The following HS6ST3 variants were observed in gnomAD, a reference collection of about 807,000 sequenced individuals.
HS6ST3 encodes the protein heparan sulfate 6-O-sulfotransferase 3.
A neutral mutation model predicts 36.7 loss-of-function variants in HS6ST3; 12 were observed. The observed-to-expected ratio is 0.33, with a 90% confidence interval of 0.21 to 0.53. The LOEUF (loss-of-function observed/expected upper bound fraction) is 0.53, where lower values mean the gene tolerates loss of function less well. Ranked by LOEUF, HS6ST3 falls within the 20% of genes least tolerant of loss-of-function variation. The pLI is 0.95. For synonymous variants in HS6ST3, 240 were observed against 257.5 expected, an observed-to-expected ratio of 0.93 and a Z score of 0.65; for missense variants, 584 against 640.9, an observed-to-expected ratio of 0.91 and a Z score of 0.96.
chr13:96,737,328 T>A (rs545402718), intron 1 of HS6ST3, among the ~76,000 whole-genome samples: 98 of 152,296 alleles, frequency 6.4e-4, no homozygotes, highest in African/African-American at 2.1e-3. Flanking sequence ...CATATTTCTA[T>A]AAAAGAGATT....
chr13:96,761,912 A>G (rs1202128539), intron 1 of HS6ST3, among the ~76,000 whole-genome samples: 1 of 152,170 alleles, frequency 6.6e-6, no homozygotes, highest in South Asian at 2.1e-4. Context: ...CTCTGAGCCT[A>G]ATAAATAATA....
At chr13:96,532,930 C>T (rs2056141386) in intron 1 of HS6ST3, among the ~76,000 whole-genome samples, 1 of 152,162 alleles carries the variant, frequency 6.6e-6, no homozygotes, top group African/African-American at 2.4e-5. Flanking sequence ...TTCTCAGCCA[C>T]TTTTGCTTGC....
chr13:96,354,129 A>G (rs1254828675), intron 1 of HS6ST3, among the ~76,000 whole-genome samples: 2 of 152,232 alleles, frequency 1.3e-5, no homozygotes, highest in African/African-American at 4.8e-5. Flanking sequence ...TGTCAACCAT[A>G]TGGAACTGGT....
chr13:96,443,326 T>C (rs2055682464), intron 1 of HS6ST3, among the ~76,000 whole-genome samples: 1 of 151,848 alleles, frequency 6.6e-6, no homozygotes. Flanking sequence ...GTCAGGAGAT[T>C]GAGACCATCC....
At chr13:96,594,363 C>G (rs2138977751) in intron 1 of HS6ST3, among the ~76,000 whole-genome samples, 1 of 152,090 alleles carries the variant, frequency 6.6e-6, no homozygotes, top group Admixed American at 6.5e-5. Context: ...TCATCGTTTT[C>G]TAGTTGTTTT....
chr13:96,194,238 G>A (rs1270355346), intron 1 of HS6ST3, among the ~76,000 whole-genome samples: 1 of 152,084 alleles, frequency 6.6e-6, no homozygotes, highest in African/African-American at 2.4e-5. Flanking sequence ...TGTAGGAAAT[G>A]CATTGTGTCT....
At chr13:96,629,783 T>G (rs1056259549) in intron 1 of HS6ST3, among the ~76,000 whole-genome samples, 3 of 152,192 alleles carry the variant, frequency 2.0e-5, no homozygotes, top group Non-Finnish European at 4.4e-5. Context: ...CTTTCAAAAT[T>G]GTTGAAAAAC....
chr13:96,632,116 T>G (rs1421932861), intron 1 of HS6ST3, among the ~76,000 whole-genome samples: 1 of 152,170 alleles, frequency 6.6e-6, no homozygotes, highest in Non-Finnish European at 1.5e-5. Context: ...TAATGCCTTA[T>G]AAAAGGGCTT....
chr13:96,133,257 A>G (rs1461425500), intron 1 of HS6ST3, among the ~76,000 whole-genome samples: 1 of 152,046 alleles, frequency 6.6e-6, no homozygotes, highest in Non-Finnish European at 1.5e-5. Flanking sequence ...GCCTCCGAGT[A>G]GCTGGGATTA....
chr13:96,152,906 T>C (rs1215707847), intron 1 of HS6ST3, among the ~76,000 whole-genome samples: 1 of 152,188 alleles, frequency 6.6e-6, no homozygotes. Flanking sequence ...CTTGTGATTT[T>C]CCAAAATTGC....
intron 1 of HS6ST3, among the ~76,000 whole-genome samples, chr13:96,220,481 A>G (rs1029540720): frequency 6.6e-6 from 1 of 152,176 alleles, no homozygotes; most frequent in African/African-American, 2.4e-5. Context: ...TGCCACCTAA[A>G]TAATAGCTCT....
chr13:96,407,615 G>A (rs1426994852), intron 1 of HS6ST3, among the ~76,000 whole-genome samples: 1 of 152,182 alleles, frequency 6.6e-6, no homozygotes, highest in East Asian at 1.9e-4. Flanking sequence ...CAGTAGATAA[G>A]ATTTTGATAA....
At chr13:96,724,881 A>G (rs893366963) in intron 1 of HS6ST3, among the ~76,000 whole-genome samples, 1 of 152,206 alleles carries the variant, frequency 6.6e-6, no homozygotes, top group Non-Finnish European at 1.5e-5. Context: ...TTGAATAAAT[A>G]CCTAGGGATG....
At chr13:96,290,619 C>A (rs2054825091) in intron 1 of HS6ST3, among the ~76,000 whole-genome samples, 1 of 152,124 alleles carries the variant, frequency 6.6e-6, no homozygotes, top group South Asian at 2.1e-4. Context: ...AGCAGGCAGC[C>A]TTTACATTGG....
intron 1 of HS6ST3, among the ~76,000 whole-genome samples, chr13:96,542,710 A>G (rs919615043): frequency 2.0e-5 from 3 of 152,128 alleles, no homozygotes; most frequent in South Asian, 4.1e-4. Context: ...TGCTGCTCAC[A>G]TGACCTCCAC....
At chr13:96,332,233 A>G (rs1469096202) in intron 1 of HS6ST3, among the ~76,000 whole-genome samples, 2 of 151,934 alleles carry the variant, frequency 1.3e-5, no homozygotes, top group Non-Finnish European at 2.9e-5. Context: ...TTGTTTTTTT[A>G]TTCTCCAAAT....
At chr13:96,695,596 C>G (rs919263868) in intron 1 of HS6ST3, among the ~76,000 whole-genome samples, 4 of 114,930 alleles carry the variant, frequency 3.5e-5, no homozygotes, top group African/African-American at 1.4e-4. Context: ...CCACCCTCAG[C>G]TGTTTTTTTT....
chr13:96,548,483 C>G (rs754009159), intron 1 of HS6ST3, among the ~76,000 whole-genome samples: 6 of 152,146 alleles, frequency 3.9e-5, no homozygotes, highest in Non-Finnish European at 7.3e-5. Flanking sequence ...CATACTATTT[C>G]GTCTTCATTA....
intron 1 of HS6ST3, among the ~76,000 whole-genome samples, chr13:96,639,078 G>A (rs75834448): frequency 0.013 from 1,961 of 152,042 alleles, 32 homozygotes; most frequent in Middle Eastern, 0.061. Flanking sequence ...GGTCCAGTTG[G>A]TTTGTAGAGT....
Sources: gnomAD v4.1 joint callset for allele counts (sites outside exome capture counted in the v4.1 genomes callset) on GRCh38, gnomAD v4.1.1 for gene constraint, MANE v1.5 for transcripts, NCBI Gene and HGNC (gene_info 2026-07-23, HGNC 2026-07-21) for gene names.